RBFOX1: variants seen among roughly 807,000 people sequenced by gnomAD.
RBFOX1 encodes RNA binding protein fox-1 homolog 1.
Under a neutral mutation model 57.7 loss-of-function variants are expected in RBFOX1, and 8 were observed. The ratio of observed to expected loss-of-function variants is 0.14; its 90% CI spans 0.08 to 0.25. The LOEUF is 0.25. Ranked by LOEUF, RBFOX1 falls within the 10% of genes least tolerant of loss-of-function variation. The probability of loss-of-function intolerance (pLI) is 1.00; values close to 1 mark genes in which losing one functional copy is unlikely to be tolerated. For missense variants in RBFOX1, 611 were observed against 548.5 expected (o/e 1.11, Z -1.14); for synonymous variants, 326 against 222.4 (o/e 1.47, Z -4.15).
intron 1 of RBFOX1, among the ~76,000 whole-genome samples, chr16:6,255,620 A>G (rs1210776640): frequency 6.6e-6 from 1 of 152,142 alleles, no homozygotes; most frequent in Non-Finnish European, 1.5e-5. Flanking sequence ...TTCAAAGTCC[A>G]CAGAGAAGTG....
intron 4 of RBFOX1, among the ~76,000 whole-genome samples, chr16:5,988,502 A>G (rs2060324980): frequency 6.6e-6 from 1 of 152,154 alleles, no homozygotes; most frequent in South Asian, 2.1e-4. Context: ...ACTTCGTCTA[A>G]GTTCCCAGAG....
chr16:6,593,403 T>C (rs2097741807), intron 2 of RBFOX1, among the ~76,000 whole-genome samples: 1 of 152,194 alleles, frequency 6.6e-6, no homozygotes, highest in Non-Finnish European at 1.5e-5. Flanking sequence ...CTATCCTTTT[T>C]CCTGAGAGTT....
chr16:7,492,911 A>G (rs531536099), intron 4 of RBFOX1, among the ~76,000 whole-genome samples: 2 of 151,944 alleles, frequency 1.3e-5, no homozygotes, highest in South Asian at 4.2e-4. Flanking sequence ...CTCTTTTTTG[A>G]GACGTCCCCC....
intron 7 of RBFOX1, among the ~76,000 whole-genome samples, chr16:7,592,888 T>C (rs2094515902): frequency 6.6e-6 from 1 of 152,066 alleles, no homozygotes. Context: ...CACAGCTCAC[T>C]GTAGCCTCAA....
intron 4 of RBFOX1, among the ~76,000 whole-genome samples, chr16:7,504,246 G>C (rs1333587821): frequency 6.6e-6 from 1 of 151,994 alleles, no homozygotes; most frequent in Non-Finnish European, 1.5e-5. Flanking sequence ...GGGTTGCATT[G>C]ATGGAAGTTC....
intron 4 of RBFOX1, among the ~76,000 whole-genome samples, chr16:7,404,999 C>G (rs2098313910): frequency 6.6e-6 from 1 of 152,148 alleles, no homozygotes; most frequent in East Asian, 1.9e-4. Flanking sequence ...AGGAAAGATG[C>G]CTGCTACACC....
At chr16:7,041,374 C>A (rs1245709507) in intron 3 of RBFOX1, among the ~76,000 whole-genome samples, 1 of 152,086 alleles carries the variant, frequency 6.6e-6, no homozygotes, top group Non-Finnish European at 1.5e-5. Context: ...CAATGCATTT[C>A]CTATTTGGCT....
At chr16:5,780,022 A>T (rs1227971010) in intron 3 of RBFOX1, among the ~76,000 whole-genome samples, 1 of 152,222 alleles carries the variant, frequency 6.6e-6, no homozygotes, top group Non-Finnish European at 1.5e-5. Context: ...TGTTATTTTC[A>T]AGACGGAGTC....
rs563272582 is a variant in RBFOX1, at chr16:7,370,214, G to A, written c.28-147933G>A. ...AACCAAACATTGCCATTGTCCCCTG[G>A]GGAGGGGAATGGGGTAAAGTGGCCA... On this transcript the variant is annotated intron_variant, in intron 4 of 15. Coordinates refer to ENST00000550418, the MANE Select transcript of RBFOX1 (RefSeq NM_018723.4). Among the ~76,000 whole-genome samples the A allele has an allele frequency of 2.0e-5, 3 of 152,262 alleles. No homozygotes were observed. The South Asian group carries it at 6.2e-4, about 32-fold the overall frequency.
intron 4 of RBFOX1, among the ~76,000 whole-genome samples, chr16:7,076,103 G>A (rs1364999080): frequency 1.3e-5 from 2 of 149,960 alleles, no homozygotes; most frequent in African/African-American, 4.9e-5. Flanking sequence ...CTGCCATGGC[G>A]CGATCTCGGC....
intron 3 of RBFOX1, among the ~76,000 whole-genome samples, chr16:6,842,785 T>G (rs1437187747): frequency 6.6e-6 from 1 of 152,056 alleles, no homozygotes; most frequent in Non-Finnish European, 1.5e-5. Flanking sequence ...AAGCCCGGCA[T>G]GCATTAGGTA....
In RBFOX1 at chr16:6,019,969, A is replaced by C; in HGVS notation, c.-150A>C. 6.5e-7 allele frequency: 1 copy of C among 1,531,016 alleles called. No homozygotes were observed. The highest frequency in any genetic ancestry group is 8.7e-7 in the Non-Finnish European group (1 of 1,143,668). The allele number at this position is 1,531,016 out of a possible 1,614,324, so 94.8% of individuals were successfully genotyped here. On this transcript the variant is annotated 5_prime_UTR_variant, in exon 1 of 16. Transcript: ENST00000550418. The surrounding 1 kb of genome is among the most constrained non-coding windows in gnomAD (Gnocchi z 4.2). ...GGTCTGGGGCCGAGAACGTGACCGC[A>C]GCCGGGCTCGCCGGGAGTTCTAGGT...
At chr16:6,879,535 G>T (rs2172308) in intron 3 of RBFOX1, among the ~76,000 whole-genome samples, 78,269 of 151,992 alleles carry the variant, frequency 0.51, 20,800 homozygotes, top group East Asian at 0.63. Flanking sequence ...TTAGGTTAAT[G>T]AGATTATTCA....
chr16:6,823,090 A>T (rs1283752149), intron 3 of RBFOX1, among the ~76,000 whole-genome samples: 5 of 152,064 alleles, frequency 3.3e-5, no homozygotes. Flanking sequence ...TACAGATGGG[A>T]GACTGAGCAT....
At chr16:5,480,882 A>G (rs2069516752) in intron 2 of RBFOX1, among the ~76,000 whole-genome samples, 1 of 152,230 alleles carries the variant, frequency 6.6e-6, no homozygotes, top group Non-Finnish European at 1.5e-5. Flanking sequence ...TAGAAGCAAT[A>G]TTTCACTGAA....
At chr16:7,654,453 C>A (rs184854889) in intron 12 of RBFOX1, among the ~76,000 whole-genome samples, 93 of 152,270 alleles carry the variant, frequency 6.1e-4, no homozygotes, top group Admixed American at 2.0e-3. Flanking sequence ...TGCAAACATA[C>A]AAGAATTAAT....
At chr16:7,431,908 C>T (rs1447846582) in intron 4 of RBFOX1, among the ~76,000 whole-genome samples, 1 of 152,220 alleles carries the variant, frequency 6.6e-6, no homozygotes, top group African/African-American at 2.4e-5. Context: ...TCACAGGAGG[C>T]AGGGGCTTGT....
chr16:5,731,949 G>C (rs907656446), intron 3 of RBFOX1, among the ~76,000 whole-genome samples: 1 of 152,160 alleles, frequency 6.6e-6, no homozygotes, highest in African/African-American at 2.4e-5. Flanking sequence ...CCTCTCTCCT[G>C]CTGACCCAAA....
chr16:5,472,071 G>T (rs1324010845), intron 2 of RBFOX1, among the ~76,000 whole-genome samples: 1 of 152,144 alleles, frequency 6.6e-6, no homozygotes, highest in Non-Finnish European at 1.5e-5. Flanking sequence ...TCTGACGGAT[G>T]CTCTTTTCTC....
Sources: allele counts gnomAD v4.1 joint callset (sites outside exome capture counted in the v4.1 genomes callset), GRCh38; gene constraint gnomAD v4.1.1; non-coding constraint Gnocchi (gnomAD v3.1); transcripts MANE v1.5; gene names NCBI Gene and HGNC (gene_info 2026-07-23, HGNC 2026-07-21).